Variants in RALGPS2 observed in about 807,000 individuals in gnomAD.
RALGPS2 encodes the protein ras-specific guanine nucleotide-releasing factor RalGPS2.
RALGPS2 carries 43 observed loss-of-function variants against 86.8 expected under a neutral mutation model. That is an observed-to-expected ratio of 0.50 (90% CI 0.39 to 0.64). The LOEUF (loss-of-function observed/expected upper bound fraction) is 0.64. Ranked by LOEUF, RALGPS2 falls within the 30% of genes least tolerant of loss-of-function variation. The pLI, the probability that RALGPS2 is intolerant of heterozygous loss-of-function variation, is 0.00. For synonymous variants in RALGPS2, 243 were observed against 231.3 expected, an observed-to-expected ratio of 1.05 and a Z score of -0.46; for missense variants, 536 against 694.6, an observed-to-expected ratio of 0.77 and a Z score of 2.57.
chr1:178,811,474 G>A (rs774185442), intron 6 of RALGPS2, 70 bp downstream of exon 6: 154 of 1,092,128 alleles, frequency 1.4e-4, no homozygotes, highest in Non-Finnish European at 1.7e-4. Flanking sequence ...ATAAATATTC[G>A]TGATGCTTTA....
At chr1:178,754,817 T>G (rs114322831) in intron 1 of RALGPS2, among the ~76,000 whole-genome samples, 5,526 of 152,372 alleles carry the variant, frequency 0.036, 124 homozygotes, top group Middle Eastern at 0.058. Context: ...TTGATTGTTT[T>G]GAGACGAAGT....
rs1013742307 is a variant in RALGPS2, at chr1:178,883,497, A to G, written c.868A>G (p.Thr290Ala). Residue 290 changes from threonine to alanine, a missense_variant, in exon 11 of 20, where the codon ACC (threonine) becomes GCC (alanine). Physicochemically the swap from Thr to Ala is moderately conservative, Grantham distance 58 (BLOSUM62 0). Transcript: ENST00000367635. The stretch of plus-strand genomic sequence containing the variant: ...ATTAAAGATAGAACCAGGGACAAGC[A>G]CCCCACGTTCTGCTGCTTCCAGAGA... ...LSLKIEPGTS[T>A]PRSAASREDL... is the part of the protein sequence containing the mutation. 1 of 1,613,516 alleles carries G rather than the reference A, an allele frequency of 6.2e-7. No individual in the cohort carries two copies.
intron 13 of RALGPS2, among the ~76,000 whole-genome samples, chr1:178,886,390 G>A (rs77257835): frequency 0.03 from 4,592 of 152,326 alleles, 224 homozygotes; most frequent in African/African-American, 0.1. Context: ...GATATGGGGA[G>A]GAGGAAGAGT....
chr1:178,899,641 GT>G (rs1396384006), intron 17 of RALGPS2, among the ~76,000 whole-genome samples: 2 of 143,840 alleles, frequency 1.4e-5, no homozygotes, highest in African/African-American at 2.8e-5. Context: ...TTTGGTTTTG[GT>G]TTTGGTTTTG....
chr1:178,909,801 C>T (rs1181903924), intron 19 of RALGPS2, among the ~76,000 whole-genome samples: 1 of 151,752 alleles, frequency 6.6e-6, no homozygotes, highest in Non-Finnish European at 1.5e-5. Flanking sequence ...AGGCGTATGC[C>T]ACCACGCCCA....
chr1:178,821,698 A>G lies in RALGPS2; in HGVS notation c.474A>G (p.Thr158=). Residue 158 remains threonine, a synonymous_variant, in exon 7 of 20, where the codon ACA becomes ACG. Transcript: ENST00000367635. ...QSAPIFRLTK[T]WALLSRKDKT... ...CCCCAATTTTCAGGTTGACTAAAAC[A>G]TGGGCGGTGAGTAATATTCTTTAGT... 6.2e-7 allele frequency: 1 copy of G among 1,607,338 alleles called. No individual in the cohort carries two copies.
At chr1:178,739,112 T>C (rs1458226645) in intron 1 of RALGPS2, among the ~76,000 whole-genome samples, 2 of 152,228 alleles carry the variant, frequency 1.3e-5, no homozygotes, top group African/African-American at 2.4e-5. Flanking sequence ...AATTTTGATA[T>C]GCTGATATAT....
At chr1:178,824,777 C>G (rs1368799646) in intron 7 of RALGPS2, among the ~76,000 whole-genome samples, 1 of 151,846 alleles carries the variant, frequency 6.6e-6, no homozygotes, top group African/African-American at 2.4e-5. Context: ...CTACTGCACT[C>G]CAGCCTGTGC....
intron 18 of RALGPS2, among the ~76,000 whole-genome samples, chr1:178,905,158 T>G (rs1303913678): frequency 1.3e-5 from 2 of 152,176 alleles, no homozygotes; most frequent in African/African-American, 2.4e-5. Context: ...GATTCTCTGT[T>G]TGGTCATTGT....
chr1:178,776,643 C>A, intron 1 of RALGPS2, 39 bp from the exon 2 acceptor site: 5 of 633,226 alleles, frequency 7.9e-6, no homozygotes, highest in Non-Finnish European at 1.2e-5. Context: ...TCTTGAACTT[C>A]GAGGAAGACA....
intron 19 of RALGPS2, among the ~76,000 whole-genome samples, chr1:178,915,328 C>T (rs184731158): frequency 1.4e-3 from 210 of 152,262 alleles, no homozygotes; most frequent in Admixed American, 3.5e-3. Context: ...CTCTGCCTCC[C>T]GGGTTCAAGC....
In RALGPS2 at chr1:178,886,101, T is replaced by C. The variant is rs772241489; in HGVS notation, c.1173T>C (p.Leu391=). ...PSRGQAESST[L]SSGISIGSSD... ...GAGGCCAAGCTGAAAGTTCTACTCT[T>C]TCTAGTGGAATATCAATAGGTGAGA... The change falls in exon 13 of 20, where the codon CTT becomes CTC. Residue 391 remains leucine, a synonymous_variant. Transcript: ENST00000367635. 5.0e-6 allele frequency: 8 copies of C among 1,612,270 alleles called. No individual in the cohort carries two copies. The South Asian group carries it at 6.6e-5, about 13-fold the overall frequency.
At position 178,917,679 on chromosome 1, in the gene RALGPS2, C is replaced by T. The variant is rs1040738284; in HGVS notation, c.*1320C>T. ...GCAGTTTTATGAGAACTCTTCTATG[C>T]AATGATGCATTTAATTTCTAAAGTA... On this transcript the variant is annotated 3_prime_UTR_variant, in exon 20 of 20. Coordinates refer to ENST00000367635, the MANE Select transcript of RALGPS2 (RefSeq NM_152663.5). 5.3e-5 allele frequency: 8 copies of T among 151,890 alleles called. No individual in the cohort carries two copies. Among genetic ancestry groups the T allele is most frequent in the Non-Finnish European group, 1.0e-4 (7 of 67,980 alleles). The allele number at this position is 151,890 out of a possible 1,614,324, so 9.4% of individuals were successfully genotyped here.
rs1651710782 is a variant in RALGPS2 at position 178,752,069 on chromosome 1, C to T, written c.-83-24613C>T. Among the ~76,000 whole-genome samples, 3 of 151,910 alleles carry T rather than the reference C, an allele frequency of 2.0e-5. No individual in the cohort carries two copies. In the South Asian group the frequency reaches 6.2e-4, roughly 32 times the overall value. ...TGTAATTTACTGAGCCCAGATTGGTCCTAGTCTGCTACCTAGTAGGTAAAT... is the reference window on the plus strand; with the variant it reads ...TGTAATTTACTGAGCCCAGATTGGTTCTAGTCTGCTACCTAGTAGGTAAAT... On this transcript the variant is annotated intron_variant, in intron 1 of 19. Transcript: ENST00000367635.
At chr1:178,910,520 A>T (rs536578571) in intron 19 of RALGPS2, among the ~76,000 whole-genome samples, 1 of 152,182 alleles carries the variant, frequency 6.6e-6, no homozygotes, top group Non-Finnish European at 1.5e-5. Flanking sequence ...TGAGATGATC[A>T]TATGGTTTTC....
intron 14 of RALGPS2, among the ~76,000 whole-genome samples, chr1:178,890,476 C>T (rs6691820): frequency 0.012 from 1,818 of 151,916 alleles, 21 homozygotes; most frequent in Middle Eastern, 0.017. Flanking sequence ...CTGAAAATGC[C>T]TATATTCATT....
intron 1 of RALGPS2, among the ~76,000 whole-genome samples, chr1:178,752,716 T>C (rs779605004): frequency 1.6e-4 from 24 of 152,232 alleles, no homozygotes; most frequent in Non-Finnish European, 3.1e-4. Flanking sequence ...AAAATAGTTA[T>C]ACTTTAATGT....
At chr1:178,836,226 G>A (rs978128813) in intron 8 of RALGPS2, among the ~76,000 whole-genome samples, 1 of 152,228 alleles carries the variant, frequency 6.6e-6, no homozygotes, top group African/African-American at 2.4e-5. Flanking sequence ...TACCTCTTCT[G>A]TCTCAGCCCC....
At chr1:178,767,561 G>A (rs1278609133) in intron 1 of RALGPS2, among the ~76,000 whole-genome samples, 3 of 152,006 alleles carry the variant, frequency 2.0e-5, no homozygotes, top group Admixed American at 6.6e-5. Flanking sequence ...TGCAAAGGCC[G>A]TATCCTTGCC....
Sources: gnomAD v4.1 joint callset for allele counts (sites outside exome capture counted in the v4.1 genomes callset) on GRCh38, gnomAD v4.1.1 for gene constraint, MANE v1.5 for transcripts, NCBI Gene and HGNC (gene_info 2026-07-23, HGNC 2026-07-21) for gene names.